Variants in SPDYE18 observed in about 807,000 individuals in gnomAD.
SPDYE18 encodes speedy protein E18.
Under a neutral mutation model 44.9 loss-of-function variants are expected in SPDYE18, and 6 were observed. The observed-to-expected ratio is 0.13, with a 90% confidence interval of 0.07 to 0.26. SPDYE18 has a LOEUF of 0.26. Ranked by LOEUF, SPDYE18 falls within the 10% of genes least tolerant of loss-of-function variation. The pLI, the probability that SPDYE18 is intolerant of heterozygous loss-of-function variation, is 1.00. For synonymous variants in SPDYE18, 35 were observed against 177.1 expected (o/e 0.20, Z 6.37); for missense variants, 121 against 463.2 (o/e 0.26, Z 6.78).
chr7:77,053,657 C>T (rs1056459988), intron 6 of SPDYE18, among the ~76,000 whole-genome samples: 12 of 152,204 alleles, frequency 7.9e-5, no homozygotes, highest in African/African-American at 1.7e-4. Context: ...CTGGTCAACA[C>T]GGAGAAACCC....
intron 1 of SPDYE18, among the ~76,000 whole-genome samples, 148 bp downstream of exon 1, chr7:77,062,348 C>T (rs3972474): frequency 1.3e-5 from 2 of 149,178 alleles, no homozygotes; most frequent in Non-Finnish European, 3.0e-5. Context: ...ACAACAAAAT[C>T]GTTTGCTCTC....
In SPDYE18 at chr7:77,051,875, G is replaced by T. The variant is rs1174446418; in HGVS notation, c.*50C>A. Reference sequence around the variant, plus strand: ...AAAATCCACATCTCCCCTGGGTCCGGTGTTCTGGAAGTGAGAGAGACAATG... The same window carrying T: ...AAAATCCACATCTCCCCTGGGTCCGTTGTTCTGGAAGTGAGAGAGACAATG... On this transcript the variant is annotated 3_prime_UTR_variant, in exon 9 of 9. Coordinates refer to ENST00000510091, the MANE Select transcript of SPDYE18 (RefSeq NM_001394953.1). Among the ~76,000 whole-genome samples, 3 of 151,398 alleles carry T rather than the reference G, an allele frequency of 2.0e-5. No homozygotes were observed. The highest frequency in any genetic ancestry group is 4.4e-5 in the Non-Finnish European group (3 of 67,866).
intron 2 of SPDYE18, 86 bp downstream of exon 2, chr7:77,060,267 G>A: frequency 2.0e-6 from 3 of 1,522,842 alleles, no homozygotes; most frequent in Non-Finnish European, 2.6e-6. Context: ...AAAGTGCTGG[G>A]GTTACAGGCG....
At position 77,050,882 on chromosome 7, in the gene SPDYE18, A is replaced by C. The variant is rs1283216722; in HGVS notation, c.*1043T>G. 6.7e-6 allele frequency among the ~76,000 whole-genome samples: 1 copy of C among 149,274 alleles called. No homozygotes were observed. The highest frequency in any genetic ancestry group is 2.4e-5 in the African/African-American group (1 of 41,070). ...TCCAAAATATTTAAAATAATATTTA[A>C]AGTAATAATAATATTTAAATAAATA... On this transcript the variant is annotated 3_prime_UTR_variant, in exon 9 of 9. Transcript: ENST00000510091.
chr7:77,056,390 A>G (rs1193195498), intron 5 of SPDYE18, among the ~76,000 whole-genome samples, 160 bp downstream of exon 5: 1 of 71,778 alleles, frequency 1.4e-5, no homozygotes, highest in African/African-American at 4.9e-5. Flanking sequence ...AGCCTGGGCA[A>G]CAGAGCAAGA....
chr7:77,058,698 T>C (rs2117324504), intron 3 of SPDYE18, among the ~76,000 whole-genome samples: 1 of 149,458 alleles, frequency 6.7e-6, no homozygotes, highest in African/African-American at 2.4e-5. Context: ...GGTTTCGCTA[T>C]ATTGGTCTGG....
chr7:77,059,579 T>TTC (rs1159814770), intron 2 of SPDYE18, among the ~76,000 whole-genome samples, 181 bp from the exon 3 acceptor site: 1 of 150,836 alleles, frequency 6.6e-6, no homozygotes, highest in Non-Finnish European at 1.5e-5. Context: ...CTCCCCATTC[T>TTC]TCTCTCTCTC....
intron 6 of SPDYE18, among the ~76,000 whole-genome samples, chr7:77,053,720 G>GTGCCT (rs1789861814): frequency 6.6e-6 from 1 of 151,990 alleles, no homozygotes; most frequent in South Asian, 2.1e-4. Flanking sequence ...CACCCGTTAG[G>GTGCCT]CCTAGCTACT....
chr7:77,052,029 A>T (rs529263872), intron 8 of SPDYE18, among the ~76,000 whole-genome samples, 150 bp from the exon 9 acceptor site: 1,256 of 128,936 alleles, frequency 9.7e-3, no homozygotes, highest in African/African-American at 0.04. Flanking sequence ...CTTCTGAACC[A>T]TCGTGTTCAA....
At chr7:77,057,213 C>T (rs1488746674) in intron 4 of SPDYE18, among the ~76,000 whole-genome samples, 1 of 152,244 alleles carries the variant, frequency 6.6e-6, no homozygotes, top group East Asian at 1.9e-4. Flanking sequence ...GTCTCAGCCT[C>T]CCGAGTAGCT....
intron 2 of SPDYE18, among the ~76,000 whole-genome samples, chr7:77,060,021 T>C (rs1361163237): frequency 2.0e-5 from 2 of 101,420 alleles, no homozygotes; most frequent in Non-Finnish European, 4.4e-5. Flanking sequence ...CTTTTCTTTT[T>C]TCTTTTCTTT....
In SPDYE18 at chr7:77,051,263, T is replaced by C. The variant is rs1789789522; in HGVS notation, c.*662A>G. 6.6e-6 allele frequency among the ~76,000 whole-genome samples: 1 copy of C among 152,180 alleles called. No individual in the cohort carries two copies. Among genetic ancestry groups the C allele is most frequent in the Non-Finnish European group, 1.5e-5 (1 of 68,032 alleles). On this transcript the variant is annotated 3_prime_UTR_variant, in exon 9 of 9. Transcript: ENST00000510091. ...AAAATATTTAGGATAAAAAGAATTG[T>C]CTCTTAAAAATGAAAAGAAAATTAT...
At chr7:77,058,610 G>A (rs1251249697) in intron 3 of SPDYE18, among the ~76,000 whole-genome samples, 7 of 145,394 alleles carry the variant, frequency 4.8e-5, no homozygotes, top group East Asian at 4.3e-4. Flanking sequence ...GGGTTCAAGC[G>A]ATTATCCTGT....
In SPDYE18 at chr7:77,051,080, C is replaced by G. The variant is rs545525386; in HGVS notation, c.*845G>C. Among the ~76,000 whole-genome samples, 841 of 151,326 alleles carry G rather than the reference C, an allele frequency of 5.6e-3. No homozygotes were observed. Among genetic ancestry groups the G allele is most frequent in the African/African-American group, 0.02 (812 of 41,018 alleles). ...CTCACAATTCAGTCACAAACCTAAA[C>G]AGCAAATAAAAATTTCTATCACCAG... On this transcript the variant is annotated 3_prime_UTR_variant, in exon 9 of 9. Coordinates refer to ENST00000510091, the MANE Select transcript of SPDYE18 (RefSeq NM_001394953.1).
Position 77,052,732 on chromosome 7 carries a change from C to T in SPDYE18, c.*45+1G>A, listed in dbSNP as rs1789829603. 1.3e-6 allele frequency: 2 copies of T among 1,569,192 alleles called. No homozygotes were observed. Among genetic ancestry groups the T allele is most frequent in the Non-Finnish European group, 1.7e-6 (2 of 1,158,186 alleles). On this transcript the variant is annotated splice_donor_variant, in intron 8 of 8. Coordinates refer to ENST00000510091, the MANE Select transcript of SPDYE18 (RefSeq NM_001394953.1). LOFTEE classifies it low-confidence loss of function (3UTR_SPLICE). ...CTTTACCCCGGAGGATGCAGATGTA[C>T]CTTCTCTCAGGCCGATGACCTCAGG...
At chr7:77,053,320 C>G in intron 6 of SPDYE18, 117 bp from the exon 7 acceptor site, 1 of 1,465,384 alleles carries the variant, frequency 6.8e-7, no homozygotes, top group Non-Finnish European at 9.1e-7. Context: ...TGGCACCCAC[C>G]CTGCAGAGAG....
chr7:77,058,926 A>G (rs1177871195), intron 3 of SPDYE18, among the ~76,000 whole-genome samples: 3 of 151,930 alleles, frequency 2.0e-5, no homozygotes, highest in Non-Finnish European at 4.4e-5. Flanking sequence ...CCAGCGTGCT[A>G]GGATCTCAGG....
rs1374161637 is a variant in SPDYE18, at chr7:77,051,072, A to G, written c.*853T>C. Among the ~76,000 whole-genome samples, 3 of 151,910 alleles carry G rather than the reference A, an allele frequency of 2.0e-5. No homozygotes were observed. Among genetic ancestry groups the G allele is most frequent in the Non-Finnish European group, 2.9e-5 (2 of 67,888 alleles). ...ACTGAATTCTCACAATTCAGTCACA[A>G]ACCTAAACAGCAAATAAAAATTTCT... On this transcript the variant is annotated 3_prime_UTR_variant, in exon 9 of 9. Transcript: ENST00000510091.
In SPDYE18 at chr7:77,050,515, A is replaced by G. The variant is rs1161245125; in HGVS notation, c.*1410T>C. ...TTAGAACACACATCCTCTTTAAAGTAACATACAAAGATGCCAAAACAAGGT... is the reference window on the plus strand; with the variant it reads ...TTAGAACACACATCCTCTTTAAAGTGACATACAAAGATGCCAAAACAAGGT... On this transcript the variant is annotated 3_prime_UTR_variant, in exon 9 of 9. Coordinates refer to ENST00000510091, the MANE Select transcript of SPDYE18 (RefSeq NM_001394953.1). Among the ~76,000 whole-genome samples the G allele has an allele frequency of 1.3e-5, 2 of 152,256 alleles. No homozygotes were observed. Among genetic ancestry groups the G allele is most frequent in the African/African-American group, 4.8e-5 (2 of 41,472 alleles).
Sources: allele counts gnomAD v4.1 joint callset (sites outside exome capture counted in the v4.1 genomes callset), GRCh38; gene constraint gnomAD v4.1.1; transcripts MANE v1.5; gene names NCBI Gene and HGNC (gene_info 2026-07-23, HGNC 2026-07-21).